Variants in CPLANE1 observed in about 807,000 individuals in gnomAD.
The protein encoded by CPLANE1 is ciliogenesis and planar polarity effector 1.
A neutral mutation model predicts 362.5 loss-of-function variants in CPLANE1; 263 were observed. The observed-to-expected ratio is 0.73, with a 90% CI of 0.66 to 0.80. CPLANE1 has a LOEUF of 0.80. Ranked by LOEUF, CPLANE1 falls within the 30% of genes least tolerant of loss-of-function variation. The pLI is 0.00. For missense variants in CPLANE1, 3,461 were observed against 3,793.4 expected, an observed-to-expected ratio of 0.91 and a Z score of 2.30; for synonymous variants, 1,212 against 1,302.6, an observed-to-expected ratio of 0.93 and a Z score of 1.50.
the CPLANE1 span, among the ~76,000 whole-genome samples, chr5:37,089,620 A>G: frequency 2.6e-5 from 4 of 152,182 alleles, no homozygotes; most frequent in Non-Finnish European, 5.9e-5. Context: ...CGTGCTATTA[A>G]TGCCAATTTG....
At chr5:37,211,889 TG>T (rs1792708873) in intron 16 of CPLANE1, 1 of 787,730 alleles carries the variant, frequency 1.3e-6, no homozygotes, top group Non-Finnish European at 2.3e-6. Context: ...TTGAAATGGA[TG>T]GGCCCTCTCC....
At chr5:37,118,732 T>C (rs1218105781) in intron 50 of CPLANE1, among the ~76,000 whole-genome samples, 8 of 151,604 alleles carry the variant, frequency 5.3e-5, no homozygotes, top group South Asian at 2.1e-4. Context: ...TTTTTTTTTT[T>C]CAGACAGAGT....
At chr5:37,142,544 G>C (rs757200897) in intron 43 of CPLANE1, 64 bp from the exon 44 acceptor site, 25 of 1,115,388 alleles carry the variant, frequency 2.2e-5, no homozygotes, top group Non-Finnish European at 2.8e-5. Context: ...ACATGGAAAA[G>C]ACAATTGCCA....
At chr5:37,159,966 A>G (rs1001769365) in intron 38 of CPLANE1, among the ~76,000 whole-genome samples, 2 of 152,086 alleles carry the variant, frequency 1.3e-5, no homozygotes, top group Non-Finnish European at 2.9e-5. Flanking sequence ...AATTTAAGAC[A>G]AAAAGAGAAA....
Position 37,179,370 on chromosome 5 carries a change from C to T in CPLANE1, c.5811G>A (p.Gln1937=). 1 of 1,603,396 alleles carries T rather than the reference C, an allele frequency of 6.2e-7. No homozygotes were observed. The highest frequency in any genetic ancestry group is 1.1e-5 in the South Asian group (1 of 89,910). The change falls in exon 29 of 53, where the codon CAG becomes CAA. Residue 1937 remains glutamine (Q), a synonymous_variant. Transcript: ENST00000651892. ...CTATTTATTGACTTACTTCTTCTAA[C>T]TGCTGTGGTAAAGTCATCATGCAAA... The part of the protein sequence containing the change: ...LAICMMTLPQ[Q]LEEEFTEEVQ...
chr5:37,226,212 G>T, intron 12 of CPLANE1, 92 bp downstream of exon 12: 2 of 849,448 alleles, frequency 2.4e-6, no homozygotes, highest in East Asian at 2.8e-5. Flanking sequence ...TTAAAATGAT[G>T]AATTTTACAA....
At chr5:37,081,341 GTC>G in the CPLANE1 span, among the ~76,000 whole-genome samples, 45 of 149,400 alleles carry the variant, frequency 3.0e-4, no homozygotes, top group Non-Finnish European at 3.7e-4. Flanking sequence ...TTGAGACAGA[GTC>G]TCTCTCTCTC....
chr5:37,244,654 C>A, intron 4 of CPLANE1, 47 bp from the exon 5 acceptor site: 2 of 1,046,330 alleles, frequency 1.9e-6, no homozygotes, highest in South Asian at 1.6e-5. Context: ...AGTCTGAATT[C>A]CCCCCAATAA....
chr5:37,163,986 G>A (rs932384813), intron 37 of CPLANE1, among the ~76,000 whole-genome samples: 1 of 152,338 alleles, frequency 6.6e-6, no homozygotes, highest in Admixed American at 6.5e-5. Context: ...GGATGTGCTA[G>A]GAGAATGACC....
chr5:37,139,247 T>C (rs1021852682), intron 45 of CPLANE1, 93 bp downstream of exon 45: 5 of 1,238,656 alleles, frequency 4.0e-6, no homozygotes, highest in South Asian at 3.0e-5. Flanking sequence ...CAAAGATATA[T>C]ATAATGTAAA....
intron 21 of CPLANE1, among the ~76,000 whole-genome samples, chr5:37,192,576 C>T (rs1785848439): frequency 6.6e-6 from 1 of 151,884 alleles, no homozygotes; most frequent in Non-Finnish European, 1.5e-5. Flanking sequence ...TAAAAAATAC[C>T]TCATCTGGCC....
At chr5:37,210,631 A>AAAACC (rs1792322385) in intron 16 of CPLANE1, 2 of 1,598,544 alleles carry the variant, frequency 1.3e-6, no homozygotes, top group Non-Finnish European at 1.7e-6. Flanking sequence ...ATAACAAAAC[A>AAAACC]AAACCATATG....
chr5:37,200,883 G>C lies in CPLANE1; in HGVS notation c.3507+708C>G, dbSNP rs374036118. ...CTGTCACCCAGGCTGGAGTGCAGTG[G>C]TGCAATCTCGGCTCACTACAACCTC... On this transcript the variant is annotated intron_variant, in intron 19 of 52. Transcript: ENST00000651892. Among the ~76,000 whole-genome samples the C allele has an allele frequency of 6.6e-4, 101 of 152,244 alleles. 1 individual carries two copies. Among genetic ancestry groups the C allele is most frequent in the South Asian group, 3.3e-3 (16 of 4,814 alleles).
intron 47 of CPLANE1, chr5:37,124,923 G>A (rs1763733917): frequency 9.3e-7 from 1 of 1,075,712 alleles, no homozygotes. Flanking sequence ...AACTGCCAAT[G>A]ACTCTCATTG....
chr5:37,080,929 T>C, the CPLANE1 span, among the ~76,000 whole-genome samples: 1 of 152,242 alleles, frequency 6.6e-6, no homozygotes, highest in Non-Finnish European at 1.5e-5. Context: ...GATGATTATC[T>C]TTGAACTGCC....
rs766155922 is a variant in CPLANE1 at position 37,201,585 on chromosome 5, G to A, written c.3507+6C>T. The stretch of plus-strand genomic sequence containing the variant: ...ATTAATTTAAAAGTTAATGCTATAA[G>A]CTTACTTCACTAAGAATAGCTGGCT... On this transcript the variant is annotated splice_donor_region_variant and intron_variant, in intron 19 of 52. Coordinates refer to ENST00000651892, the MANE Select transcript of CPLANE1 (RefSeq NM_001384732.1). 6 of 1,604,784 alleles carry A rather than the reference G, an allele frequency of 3.7e-6. No homozygotes were observed. The highest frequency in any genetic ancestry group is 4.3e-6 in the Non-Finnish European group (5 of 1,172,366).
chr5:37,224,758 T>G lies in CPLANE1; in HGVS notation c.2292-18A>C, dbSNP rs960179587. The G allele has an allele frequency of 1.3e-6, 2 of 1,525,348 alleles. No homozygotes were observed. The highest frequency in any genetic ancestry group is 4.0e-5 in the Admixed American group (2 of 50,224). The allele number at this position is 1,525,348 out of a possible 1,614,324, so 94.5% of individuals were successfully genotyped here. A position where few individuals can be genotyped will look rare whatever the true frequency, so the allele number is the denominator to read the frequency against. On this transcript the variant is annotated intron_variant, in intron 12 of 52. Coordinates refer to ENST00000651892, the MANE Select transcript of CPLANE1 (RefSeq NM_001384732.1). ...TAAGCAATCTGCACATAAAATCAGG[T>G]AATTATCAAAAGCAAATTTCAGGCT...
intron 19 of CPLANE1, 48 bp downstream of exon 19, chr5:37,201,543 G>C: frequency 6.8e-7 from 1 of 1,466,998 alleles, no homozygotes; most frequent in Non-Finnish European, 9.4e-7. Flanking sequence ...TTAAAAACTT[G>C]ACAAAATCAA....
At chr5:37,215,739 C>CTTTTTTTTTTTT (rs567527656) in intron 15 of CPLANE1, among the ~76,000 whole-genome samples, 15 of 95,194 alleles carry the variant, frequency 1.6e-4, no homozygotes, top group East Asian at 3.2e-4. Context: ...CTTCTCTTTC[C>CTTTTTTTTTTTT]TTTTTTTTTT....
Sources: allele counts gnomAD v4.1 joint callset (sites outside exome capture counted in the v4.1 genomes callset), GRCh38; gene constraint gnomAD v4.1.1; transcripts MANE v1.5; gene names NCBI Gene and HGNC (gene_info 2026-07-23, HGNC 2026-07-21).